The following DCTN4 variants were observed in gnomAD, a reference collection of about 807,000 sequenced individuals.
DCTN4 encodes dynactin subunit 4.
Under a neutral mutation model 62.7 loss-of-function variants are expected in DCTN4, and 23 were observed. The observed-to-expected ratio is 0.37, with a 90% CI of 0.26 to 0.52. The LOEUF (loss-of-function observed/expected upper bound fraction) is 0.52, where lower values mean the gene tolerates loss of function less well. Ranked by LOEUF, DCTN4 falls within the 20% of genes least tolerant of loss-of-function variation. The pLI, the probability that DCTN4 is intolerant of heterozygous loss-of-function variation, is 0.92. For missense variants in DCTN4, 514 were observed against 580.4 expected (o/e 0.89, Z 1.18); for synonymous variants, 199 against 202.1 (o/e 0.98, Z 0.13).
At chr5:150,724,953 T>C (rs989319326) in intron 8 of DCTN4, among the ~76,000 whole-genome samples, 5 of 151,934 alleles carry the variant, frequency 3.3e-5, no homozygotes, top group African/African-American at 1.2e-4. Context: ...GTCAGGAGAT[T>C]GAGACCATCC....
intron 3 of DCTN4, among the ~76,000 whole-genome samples, chr5:150,751,504 CA>C (rs1455157997): frequency 4.6e-5 from 7 of 152,194 alleles, no homozygotes; most frequent in South Asian, 4.1e-4. Context: ...AAAATACAAA[CA>C]TGAAAAAACA....
intron 10 of DCTN4, 51 bp from the exon 11 acceptor site, chr5:150,718,434 T>A: frequency 7.3e-7 from 1 of 1,377,416 alleles, no homozygotes. Context: ...TCTTAGCTGC[T>A]ATACCGAATA....
In DCTN4 at chr5:150,756,409, G is replaced by A. The variant is rs768486962; in HGVS notation, c.206+8C>T. ...TAGGAAGAAAAAAAAAATCAGTCCAGGTCTTACCTATTCTTTTTTAGTTTG... is the reference window on the plus strand; with the variant it reads ...TAGGAAGAAAAAAAAAATCAGTCCAAGTCTTACCTATTCTTTTTTAGTTTG... On this transcript the variant is annotated splice_region_variant and intron_variant, in intron 2 of 12. Transcript: ENST00000447998. The A allele has an allele frequency of 5.1e-6, 8 of 1,581,248 alleles. No individual in the cohort carries two copies. In the Admixed American group the frequency reaches 1.1e-4, roughly 22 times the overall value.
At chr5:150,711,469 G>T in intron 12 of DCTN4, 107 bp from the exon 13 acceptor site, 1 of 861,230 alleles carries the variant, frequency 1.2e-6, no homozygotes, top group Non-Finnish European at 1.8e-6. Context: ...AGCACACACA[G>T]AAAACCTATA....
chr5:150,733,275 AT>A, intron 5 of DCTN4, 92 bp downstream of exon 5: 1 of 815,460 alleles, frequency 1.2e-6, no homozygotes, highest in Non-Finnish European at 2.0e-6. Context: ...GATATCCACC[AT>A]TCAGGAATCT....
chr5:150,736,473 C>A (rs1422873063), intron 4 of DCTN4, among the ~76,000 whole-genome samples: 2 of 152,196 alleles, frequency 1.3e-5, no homozygotes, highest in Non-Finnish European at 2.9e-5. Context: ...TTAAACAAAA[C>A]AATTATCAAC....
intron 3 of DCTN4, 79 bp from the exon 4 acceptor site, chr5:150,742,236 A>G: frequency 7.0e-7 from 1 of 1,423,280 alleles, no homozygotes; most frequent in Non-Finnish European, 9.9e-7. Context: ...TCTGTAGGCC[A>G]TAAAAAGAAA....
At chr5:150,740,275 A>C (rs995898416) in intron 4 of DCTN4, among the ~76,000 whole-genome samples, 1 of 152,192 alleles carries the variant, frequency 6.6e-6, no homozygotes, top group Non-Finnish European at 1.5e-5. Flanking sequence ...ATGAATAGAC[A>C]TTTCTCAAAG....
At position 150,709,379 on chromosome 5, in the gene DCTN4, TCTCTA is replaced by T. The variant is rs1487908671; in HGVS notation, c.*1765_*1769del. On this transcript the variant is annotated 3_prime_UTR_variant, in exon 13 of 13. Transcript: ENST00000447998. The stretch of plus-strand genomic sequence containing the variant: ...CAAACGTGTAAACATATGAAGCTAT[TCTCTA>T]CTCTATGCCCATTTCCTCCACTGGC... 6.6e-6 allele frequency: 1 copy of T among 152,382 alleles called. No homozygotes were observed. Among genetic ancestry groups the T allele is most frequent in the African/African-American group, 2.4e-5 (1 of 41,468 alleles). The allele number at this position is 152,382 out of a possible 1,614,324, so 9.4% of individuals were successfully genotyped here.
rs756650217 is a variant in DCTN4, at chr5:150,742,141, C to T, written c.402G>A (p.Gln134=). The stretch of plus-strand genomic sequence containing the variant: ...GTTGTGTGTGAGGATTTTCAGGTTC[C>T]TGCCAACCGCCACTAGCTACAAAAT... ...ADKSVASGGW[Q]EPENPHTQRM... Residue 134 remains glutamine, a synonymous_variant, in exon 4 of 13, where the codon CAG becomes CAA. Transcript: ENST00000447998. 4 of 1,613,932 alleles carry T rather than the reference C, an allele frequency of 2.5e-6. No homozygotes were observed. The South Asian group carries it at 4.4e-5, about 18-fold the overall frequency.
At chr5:150,736,730 A>T (rs1346490730) in intron 4 of DCTN4, among the ~76,000 whole-genome samples, 1 of 152,204 alleles carries the variant, frequency 6.6e-6, no homozygotes, top group African/African-American at 2.4e-5. Flanking sequence ...TTCAGGCAAC[A>T]ACTAGCACAA....
intron 3 of DCTN4, among the ~76,000 whole-genome samples, chr5:150,747,489 C>A (rs1025451608): frequency 6.6e-6 from 1 of 152,178 alleles, no homozygotes; most frequent in African/African-American, 2.4e-5. Context: ...CAAGTCAATC[C>A]TAAGCCAAAA....
intron 4 of DCTN4, among the ~76,000 whole-genome samples, chr5:150,738,297 G>A (rs571348200): frequency 3.9e-5 from 6 of 152,216 alleles, no homozygotes; most frequent in Non-Finnish European, 8.8e-5. Context: ...CCGAAACCAG[G>A]AAGGGACACA....
intron 12 of DCTN4, among the ~76,000 whole-genome samples, chr5:150,712,176 C>A (rs1759593047): frequency 6.6e-6 from 1 of 152,200 alleles, no homozygotes; most frequent in Admixed American, 6.5e-5. Context: ...GTCACCCAGG[C>A]TGGAGTGCAG....
rs529131300 is a variant in DCTN4 at position 150,711,372 on chromosome 5, GA to G, written c.1170-11del. ...TCTGAAGGCTATAATGCTATGGAAA[GA>G]AAAAAAAGCAAGTATTAGGTAGATA... is the stretch of plus-strand genomic sequence containing the variant. On this transcript the variant is annotated splice_polypyrimidine_tract_variant and intron_variant, in intron 12 of 12. Coordinates refer to ENST00000447998, the MANE Select transcript of DCTN4 (RefSeq NM_016221.4). The G allele has an allele frequency of 5.6e-6, 9 of 1,595,160 alleles. No homozygotes were observed. The highest frequency in any genetic ancestry group is 7.7e-6 in the Non-Finnish European group (9 of 1,173,420).
At chr5:150,758,816 G>GCCCCCCCCCC (rs201128894) in intron 1 of DCTN4, 43 bp downstream of exon 1, 1 of 1,591,764 alleles carries the variant, frequency 6.3e-7, no homozygotes, top group Non-Finnish European at 8.6e-7. Flanking sequence ...TGAACGCCGC[G>GCCCCCCCCCC]CCCCCCCCAC....
intron 2 of DCTN4, among the ~76,000 whole-genome samples, chr5:150,753,911 A>T (rs1752768051): frequency 6.6e-6 from 1 of 152,216 alleles, no homozygotes; most frequent in South Asian, 2.1e-4. Flanking sequence ...GATGGAGTTT[A>T]TGATTCCAGA....
chr5:150,757,482 C>T (rs553329992), intron 1 of DCTN4, among the ~76,000 whole-genome samples: 38 of 152,232 alleles, frequency 2.5e-4, no homozygotes, highest in African/African-American at 9.2e-4. Context: ...ACACATCAGG[C>T]TGTAAAAGAT....
intron 1 of DCTN4, chr5:150,758,431 A>C (rs1379647993): frequency 5.0e-6 from 5 of 990,930 alleles, no homozygotes; most frequent in Non-Finnish European, 6.0e-6. Flanking sequence ...TTTCTGGACA[A>C]AAGAGGAACA....
Sources: gnomAD v4.1 joint callset for allele counts (sites outside exome capture counted in the v4.1 genomes callset) on GRCh38, gnomAD v4.1.1 for gene constraint, MANE v1.5 for transcripts, NCBI Gene and HGNC (gene_info 2026-07-23, HGNC 2026-07-21) for gene names.